SMG6: variants seen among roughly 807,000 people sequenced by gnomAD.
SMG6 encodes SMG6 nonsense mediated mRNA decay factor, also known as telomerase-binding protein EST1A.
SMG6 carries 66 observed loss-of-function variants against 142.2 expected under a neutral mutation model. That is an observed-to-expected ratio of 0.46 (90% confidence interval 0.38 to 0.57). The LOEUF (loss-of-function observed/expected upper bound fraction) is 0.57. Ranked by LOEUF, SMG6 falls within the 20% of genes least tolerant of loss-of-function variation. The pLI is 0.00. For missense variants in SMG6, 1,793 were observed against 1,832.0 expected (o/e 0.98, Z 0.39); for synonymous variants, 779 against 702.4 (o/e 1.11, Z -1.72).
chr17:2,169,311 T>TAA (rs879584928), intron 13 of SMG6, among the ~76,000 whole-genome samples: 2 of 136,878 alleles, frequency 1.5e-5, no homozygotes, highest in Admixed American at 7.3e-5. Context: ...ACTCATCTCT[T>TAA]AAAAAAAAAA....
intron 10 of SMG6, among the ~76,000 whole-genome samples, chr17:2,206,019 G>A (rs922847869): frequency 6.6e-6 from 1 of 152,066 alleles, no homozygotes; most frequent in Non-Finnish European, 1.5e-5. Flanking sequence ...ATGTTGGCCA[G>A]GCTGGTCTCA....
chr17:2,065,456 A>G lies in SMG6; in HGVS notation c.4047+12T>C, dbSNP rs1359455318. The G allele has an allele frequency of 1.9e-6, 3 of 1,609,482 alleles. No homozygotes were observed. The highest frequency in any genetic ancestry group is 2.5e-6 in the Non-Finnish European group (3 of 1,178,850). ...TGGCTGTGGGCTTTCCCTTCCTGCCACAGGGTCTCACCAGCTGGCCAGTGA... is the reference window on the plus strand; with the variant it reads ...TGGCTGTGGGCTTTCCCTTCCTGCCGCAGGGTCTCACCAGCTGGCCAGTGA... On this transcript the variant is annotated intron_variant, in intron 17 of 18. Coordinates refer to ENST00000263073, the MANE Select transcript of SMG6 (RefSeq NM_017575.5).
rs1324022091 is a variant in SMG6 at position 2,297,255 on chromosome 17, T to C, written c.2139A>G (p.Pro713=). 3 of 1,603,548 alleles carry C rather than the reference T, an allele frequency of 1.9e-6. No homozygotes were observed. The highest frequency in any genetic ancestry group is 1.7e-6 in the Non-Finnish European group (2 of 1,176,702). Residue 713 remains proline (P), a synonymous_variant, in exon 4 of 19, where the codon CCA becomes CCG. Coordinates refer to ENST00000263073, the MANE Select transcript of SMG6 (RefSeq NM_017575.5). ...YMDGLAIRSK[P]LRKTVKYALI... Reference sequence around the variant, plus strand: ...GAAGGTAGCTTACTGTCTTGCGTAATGGCTTGCTGCGAATGGCAAGACCAT... The same window carrying C: ...GAAGGTAGCTTACTGTCTTGCGTAACGGCTTGCTGCGAATGGCAAGACCAT...
Position 2,085,273 on chromosome 17 carries a change from G to C in SMG6, c.3534+452C>G, listed in dbSNP as rs1245798417. On this transcript the variant is annotated intron_variant, in intron 14 of 18. Transcript: ENST00000263073. The surrounding 1 kb of genome is among the most constrained non-coding windows in gnomAD (Gnocchi z 4.1). ...TCAGGATGTGCAGGAGGGAGGGAGGGAACAAGGGAGGGAGGGTAGGGCAGG... is the reference window on the plus strand; with the variant it reads ...TCAGGATGTGCAGGAGGGAGGGAGGCAACAAGGGAGGGAGGGTAGGGCAGG... Among the ~76,000 whole-genome samples, 4 of 120,574 alleles carry C rather than the reference G, an allele frequency of 3.3e-5. No homozygotes were observed. The highest frequency in any genetic ancestry group is 1.2e-4 in the African/African-American group (4 of 32,552). 79.1% of individuals were successfully genotyped at this position (120,574 alleles called of 152,430 possible). A position where few individuals can be genotyped will look rare whatever the true frequency, so the allele number is the denominator to read the frequency against.
Position 2,068,738 on chromosome 17 carries a change from T to A in SMG6, c.3835+40A>T, listed in dbSNP as rs746044863. The A allele has an allele frequency of 6.2e-7, 1 of 1,601,192 alleles. No homozygotes were observed. On this transcript the variant is annotated intron_variant, in intron 16 of 18. Transcript: ENST00000263073. The surrounding 1 kb of genome is among the most constrained non-coding windows in gnomAD (Gnocchi z 6.7). ...GGGGCGTGTGTGGAGGGGGCTGCTG[T>A]GCACATGCAAGGCCGCTCTGCCCTT...
At chr17:2,207,986 G>A (rs996246423) in intron 10 of SMG6, among the ~76,000 whole-genome samples, 1 of 152,012 alleles carries the variant, frequency 6.6e-6, no homozygotes, top group African/African-American at 2.4e-5. Context: ...CACACTTGCC[G>A]GGTGCGGTGG....
chr17:2,192,463 TG>T (rs1363357468), intron 10 of SMG6, among the ~76,000 whole-genome samples: 1 of 152,142 alleles, frequency 6.6e-6, no homozygotes, highest in African/African-American at 2.4e-5. Flanking sequence ...CTGAGGGCAC[TG>T]GGGTCCACGA....
chr17:2,169,101 G>A (rs2071427024), intron 13 of SMG6, among the ~76,000 whole-genome samples: 1 of 150,846 alleles, frequency 6.6e-6, no homozygotes, highest in African/African-American at 2.4e-5. Context: ...TATAGTCCCA[G>A]CTACTCAAAA....
At chr17:2,135,005 G>A (rs541868126) in intron 13 of SMG6, among the ~76,000 whole-genome samples, 29 of 152,000 alleles carry the variant, frequency 1.9e-4, no homozygotes, top group Non-Finnish European at 3.4e-4. Context: ...TCAGGCTCCC[G>A]ACTAGCTGGG....
intron 13 of SMG6, among the ~76,000 whole-genome samples, chr17:2,167,063 G>A (rs1366919624): frequency 1.4e-5 from 2 of 145,024 alleles, no homozygotes; most frequent in East Asian, 2.1e-4. Context: ...TTGGGAGGCA[G>A]AGGGGGTGCA....
At chr17:2,169,779 G>A (rs773936694) in intron 13 of SMG6, among the ~76,000 whole-genome samples, 6 of 152,072 alleles carry the variant, frequency 3.9e-5, no homozygotes, top group Non-Finnish European at 5.9e-5. Flanking sequence ...CTAAGTGAGA[G>A]GAGCAACCAT....
At chr17:2,081,520 G>T (rs1275265916) in intron 15 of SMG6, among the ~76,000 whole-genome samples, 1 of 152,178 alleles carries the variant, frequency 6.6e-6, no homozygotes, top group African/African-American at 2.4e-5. Context: ...TTGTGTGAAA[G>T]ATCATGTATG....
rs2067744191 is a variant in SMG6 at position 2,060,559 on chromosome 17, T to G, written c.*933A>C. Reference sequence around the variant, plus strand: ...ATGACGAGGAACCGCGGTGAAGAAATGAAGGGGATCAGGGAGGTGAAAAGG... The same window carrying G: ...ATGACGAGGAACCGCGGTGAAGAAAGGAAGGGGATCAGGGAGGTGAAAAGG... On this transcript the variant is annotated 3_prime_UTR_variant, in exon 19 of 19. Transcript: ENST00000263073. 6.6e-6 allele frequency: 1 copy of G among 151,208 alleles called. No individual in the cohort carries two copies. Among genetic ancestry groups the G allele is most frequent in the East Asian group, 1.9e-4 (1 of 5,142 alleles). The allele number at this position is 151,208 out of a possible 1,614,324, so 9.4% of individuals were successfully genotyped here.
chr17:2,064,087 GGA>G (rs1342921322), intron 18 of SMG6, among the ~76,000 whole-genome samples: 1 of 152,118 alleles, frequency 6.6e-6, no homozygotes, highest in African/African-American at 2.4e-5. Flanking sequence ...AGAGGACGCA[GGA>G]GAGAGTCAAC....
intron 10 of SMG6, among the ~76,000 whole-genome samples, chr17:2,219,535 C>T (rs1255080731): frequency 6.6e-6 from 1 of 151,808 alleles, no homozygotes; most frequent in Non-Finnish European, 1.5e-5. Context: ...GCCTGTAATC[C>T]CAGCGCATTT....
intron 13 of SMG6, among the ~76,000 whole-genome samples, chr17:2,129,314 A>C (rs112987596): frequency 6.6e-6 from 1 of 152,214 alleles, no homozygotes; most frequent in East Asian, 1.9e-4. Flanking sequence ...TGGGAATAAG[A>C]ACCTATTTTA....
chr17:2,060,535 T>G lies in SMG6; in HGVS notation c.*957A>C, dbSNP rs1478415363. 3 of 151,970 alleles carry G rather than the reference T, an allele frequency of 2.0e-5. No homozygotes were observed. The highest frequency in any genetic ancestry group is 7.3e-5 in the African/African-American group (3 of 41,294). The allele number at this position is 151,970 out of a possible 1,614,324, so 9.4% of individuals were successfully genotyped here. ...GGAAAGTTCAGAGTGAGAACCCCTATGACGAGGAACCGCGGTGAAGAAATG... is the reference window on the plus strand; with the variant it reads ...GGAAAGTTCAGAGTGAGAACCCCTAGGACGAGGAACCGCGGTGAAGAAATG... On this transcript the variant is annotated 3_prime_UTR_variant, in exon 19 of 19. Transcript: ENST00000263073.
intron 13 of SMG6, among the ~76,000 whole-genome samples, chr17:2,167,131 CAAAAAAAAAA>C (rs57898779): frequency 1.1e-4 from 4 of 35,714 alleles, no homozygotes; most frequent in African/African-American, 6.2e-4. Flanking sequence ...GACTCCATCT[CAAAAAAAAAA>C]AAAAAAAAAA....
intron 16 of SMG6, among the ~76,000 whole-genome samples, chr17:2,066,696 A>ACAC (rs1555529730): frequency 6.8e-5 from 3 of 43,824 alleles, no homozygotes; most frequent in Admixed American, 2.3e-4. Flanking sequence ...CACACACACA[A>ACAC]TGCCCATGCT....
Sources: allele counts gnomAD v4.1 joint callset (sites outside exome capture counted in the v4.1 genomes callset), GRCh38; gene constraint gnomAD v4.1.1; non-coding constraint Gnocchi (gnomAD v3.1); transcripts MANE v1.5; gene names NCBI Gene and HGNC (gene_info 2026-07-23, HGNC 2026-07-21).